The following AKAP7 variants were observed in gnomAD, a reference collection of about 807,000 sequenced individuals.
AKAP7 encodes A-kinase anchoring protein 7.
Under a neutral mutation model 39.5 loss-of-function variants are expected in AKAP7, and 39 were observed. The ratio of observed to expected loss-of-function variants is 0.99; its 90% CI spans 0.76 to 1.29. The LOEUF (loss-of-function observed/expected upper bound fraction) is 1.29, where lower values mean the gene tolerates loss of function less well. AKAP7 is among the 50% of genes most tolerant of loss of function. The pLI is 0.00. For missense variants in AKAP7, 414 were observed against 407.7 expected, an observed-to-expected ratio of 1.02 and a Z score of -0.13; for synonymous variants, 140 against 139.1, an observed-to-expected ratio of 1.01 and a Z score of -0.05.
intron 5 of AKAP7, 135 bp downstream of exon 5, chr6:131,169,408 A>G: frequency 3.1e-6 from 3 of 974,068 alleles, no homozygotes; most frequent in Non-Finnish European, 4.7e-6. Flanking sequence ...GGACTGTCCC[A>G]ATCATAAGTC....
intron 7 of AKAP7, among the ~76,000 whole-genome samples, chr6:131,254,547 C>CATT (rs1447327727): frequency 6.6e-6 from 1 of 152,180 alleles, no homozygotes; most frequent in Non-Finnish European, 1.5e-5. Flanking sequence ...CTGATTTTCC[C>CATT]ATTTTGAAGT....
intron 7 of AKAP7, among the ~76,000 whole-genome samples, chr6:131,267,723 G>A (rs1486233647): frequency 6.6e-6 from 1 of 152,140 alleles, no homozygotes; most frequent in Non-Finnish European, 1.5e-5. Flanking sequence ...TATTCATTCT[G>A]TCTGATCCAG....
intron 7 of AKAP7, among the ~76,000 whole-genome samples, chr6:131,266,972 A>G (rs1194853362): frequency 6.6e-6 from 1 of 152,204 alleles, no homozygotes; most frequent in South Asian, 2.1e-4. Context: ...CAGACTTCAA[A>G]GAAAAACAGT....
chr6:131,223,030 G>A (rs181803811), intron 7 of AKAP7, among the ~76,000 whole-genome samples: 2 of 152,280 alleles, frequency 1.3e-5, no homozygotes, highest in African/African-American at 4.8e-5. Context: ...CTTGCTTAAT[G>A]CTCAGATGAT....
intron 7 of AKAP7, among the ~76,000 whole-genome samples, chr6:131,274,895 A>G (rs1814614170): frequency 6.6e-6 from 1 of 151,940 alleles, no homozygotes; most frequent in Non-Finnish European, 1.5e-5. Flanking sequence ...CCATGCCTGG[A>G]AACTCTTATT....
rs150100685 is a variant in AKAP7, at chr6:131,216,071, A to G, written c.703-3590A>G. Among the ~76,000 whole-genome samples, 588 of 152,358 alleles carry G rather than the reference A, an allele frequency of 3.9e-3. 1 individual carries two copies. Among genetic ancestry groups the G allele is most frequent in the Non-Finnish European group, 6.4e-3 (435 of 68,024 alleles). Reference sequence around the variant, plus strand: ...TTTCATCATGGACATTGTGATTGCTATAACAAGTAACAATAAGAAGTTATC... The same window carrying G: ...TTTCATCATGGACATTGTGATTGCTGTAACAAGTAACAATAAGAAGTTATC... On this transcript the variant is annotated intron_variant, in intron 6 of 7. Coordinates refer to ENST00000431975, the MANE Select transcript of AKAP7 (RefSeq NM_016377.4).
intron 7 of AKAP7, chr6:131,242,226 G>C (rs114572788): frequency 1.7e-5 from 17 of 973,740 alleles, no homozygotes; most frequent in Non-Finnish European, 2.0e-5. Flanking sequence ...TAAAGGAAGC[G>C]CAATTGACCA....
At chr6:131,221,885 A>C (rs1274457693) in intron 7 of AKAP7, among the ~76,000 whole-genome samples, 4 of 152,216 alleles carry the variant, frequency 2.6e-5, no homozygotes, top group African/African-American at 9.6e-5. Context: ...GAAATGTACA[A>C]GGAGTTTAGT....
At chr6:131,244,452 T>C (rs952082825) in intron 7 of AKAP7, among the ~76,000 whole-genome samples, 9 of 152,232 alleles carry the variant, frequency 5.9e-5, no homozygotes, top group African/African-American at 2.2e-4. Flanking sequence ...GGTGTCCAGA[T>C]ATGTGCTGGG....
Position 131,246,182 on chromosome 6 carries a change from A to C in AKAP7, c.850+26374A>C, listed in dbSNP as rs1041220157. 7.9e-5 allele frequency among the ~76,000 whole-genome samples: 12 copies of C among 151,806 alleles called. No homozygotes were observed. The South Asian group carries it at 2.5e-3, about 32-fold the overall frequency. ...AATAGAGCTTTTGGTCATAGTTAAGAATTATCTTTTTCCATTAGAGACAAT... is the reference window on the plus strand; with the variant it reads ...AATAGAGCTTTTGGTCATAGTTAAGCATTATCTTTTTCCATTAGAGACAAT... On this transcript the variant is annotated intron_variant, in intron 7 of 7. Coordinates refer to ENST00000431975, the MANE Select transcript of AKAP7 (RefSeq NM_016377.4).
chr6:131,224,184 T>C (rs1366597588), intron 7 of AKAP7, among the ~76,000 whole-genome samples: 1 of 152,228 alleles, frequency 6.6e-6, no homozygotes, highest in Non-Finnish European at 1.5e-5. Flanking sequence ...TTTATTGTTA[T>C]AATTAACCAA....
At position 131,281,574 on chromosome 6, in the gene AKAP7, C is replaced by G. The variant is rs1338143294; in HGVS notation, c.895C>G (p.Leu299Val). The change falls in exon 8 of 8, where the codon CTC becomes GTC. Residue 299 changes from leucine to valine, a missense_variant. Physicochemically the swap from Leu to Val is conservative, Grantham distance 32. Coordinates refer to ENST00000431975, the MANE Select transcript of AKAP7 (RefSeq NM_016377.4). This position sits in a 1 kb window ranked among gnomAD's most constrained non-coding sequence, Gnocchi z 4.0. ...GEPDDAELVR[L>V]SKRLVENAVL... Reference sequence around the variant, plus strand: ...GCCCGATGACGCTGAACTAGTAAGGCTCAGTAAGAGGCTGGTGGAGAACGC... The same window carrying G: ...GCCCGATGACGCTGAACTAGTAAGGGTCAGTAAGAGGCTGGTGGAGAACGC... 1.2e-6 allele frequency: 2 copies of G among 1,613,022 alleles called. No individual in the cohort carries two copies. Among genetic ancestry groups the G allele is most frequent in the African/African-American group, 2.7e-5 (2 of 74,876 alleles).
At chr6:131,234,231 G>A (rs1730161270) in intron 7 of AKAP7, among the ~76,000 whole-genome samples, 1 of 152,098 alleles carries the variant, frequency 6.6e-6, no homozygotes, top group South Asian at 2.1e-4. Context: ...TCTATTGAGG[G>A]TACCAAGTAC....
intron 6 of AKAP7, among the ~76,000 whole-genome samples, chr6:131,202,905 G>A (rs1186999056): frequency 1.3e-5 from 2 of 152,248 alleles, no homozygotes; most frequent in Admixed American, 6.5e-5. Context: ...GTTTAAGGAA[G>A]TAGATCTTAG....
In AKAP7 at chr6:131,199,491, G is replaced by T. The variant is rs376062191; in HGVS notation, c.620G>T (p.Gly207Val). 53 of 1,607,964 alleles carry T rather than the reference G, an allele frequency of 3.3e-5. No individual in the cohort carries two copies. Among genetic ancestry groups the T allele is most frequent in the African/African-American group, 1.3e-5 (1 of 74,684 alleles). ...ETANRTFQEK[G>V]ILVGESRSFK... ...GCAAATAGGACATTTCAAGAAAAAG[G>T]CATCCTGGTAGGAGAGAGCAGAAGT... Residue 207 changes from glycine to valine, a missense_variant, in exon 6 of 8, where the codon GGC becomes GTC. Coordinates refer to ENST00000431975, the MANE Select transcript of AKAP7 (RefSeq NM_016377.4).
intron 5 of AKAP7, among the ~76,000 whole-genome samples, chr6:131,172,873 A>G (rs1804207948): frequency 6.6e-6 from 1 of 152,166 alleles, no homozygotes; most frequent in Admixed American, 6.5e-5. Flanking sequence ...TGTTGATTAT[A>G]TCTTGTTAAA....
chr6:131,174,218 A>G (rs1354415859), intron 5 of AKAP7, among the ~76,000 whole-genome samples: 1 of 152,146 alleles, frequency 6.6e-6, no homozygotes, highest in African/African-American at 2.4e-5. Context: ...TTTTATTATA[A>G]TTTTTATGCA....
At chr6:131,230,693 C>A (rs919284476) in intron 7 of AKAP7, among the ~76,000 whole-genome samples, 13 of 152,056 alleles carry the variant, frequency 8.5e-5, no homozygotes, top group Non-Finnish European at 1.6e-4. Context: ...CCTAGGTTTT[C>A]TTCTAGGATT....
intron 6 of AKAP7, chr6:131,199,936 C>T: frequency 4.0e-6 from 1 of 247,284 alleles, no homozygotes. Context: ...GCTTCCTCTG[C>T]TGGCCTGTTA....
Sources: gnomAD v4.1 joint callset for allele counts (sites outside exome capture counted in the v4.1 genomes callset) on GRCh38, gnomAD v4.1.1 for gene constraint, Gnocchi (gnomAD v3.1) non-coding constraint, MANE v1.5 for transcripts, NCBI Gene and HGNC (gene_info 2026-07-23, HGNC 2026-07-21) for gene names.